Variants in CERS6 observed in about 807,000 individuals in gnomAD.
The protein encoded by CERS6 is LAG1 homolog, ceramide synthase 6.
In CERS6, 26 loss-of-function variants were observed where a neutral mutation model predicts 56.8. That is an observed-to-expected ratio of 0.46 (90% CI 0.34 to 0.63). CERS6 has a LOEUF of 0.63. CERS6 is among the 30% of genes least tolerant of loss of function. The pLI, the probability that CERS6 is intolerant of heterozygous loss-of-function variation, is 0.01. For synonymous variants in CERS6, 164 were observed against 173.3 expected (o/e 0.95, Z 0.42); for missense variants, 415 against 467.5 (o/e 0.89, Z 1.04).
intron 4 of CERS6, among the ~76,000 whole-genome samples, chr2:168,657,341 C>T (rs1002146044): frequency 3.3e-4 from 51 of 152,394 alleles, no homozygotes; most frequent in Non-Finnish European, 4.7e-4. Flanking sequence ...AGACTCTCCA[C>T]GTCCCCACCA....
At chr2:168,767,717 A>C (rs545499293) in intron 9 of CERS6, among the ~76,000 whole-genome samples, 1 of 152,312 alleles carries the variant, frequency 6.6e-6, no homozygotes, top group East Asian at 1.9e-4. Flanking sequence ...GTAGTTTCTC[A>C]AGTTGGGAGA....
rs113480296 is a variant in CERS6 at position 168,695,170 on chromosome 2, G to A, written c.609+119G>A. The A allele has an allele frequency of 9.3e-3, 6,451 of 695,838 alleles. 220 individuals are homozygous for A. Among genetic ancestry groups the A allele is most frequent in the African/African-American group, 0.088 (4,809 of 54,366 alleles). The allele number at this position is 695,838 out of a possible 1,614,324, so 43.1% of individuals were successfully genotyped here. On this transcript the variant is annotated intron_variant, in intron 6 of 9. Coordinates refer to ENST00000305747, the MANE Select transcript of CERS6 (RefSeq NM_203463.3). Reference sequence around the variant, plus strand: ...TCTCCTGGCAGCCCTAGGTTAGTACGACTTGCTGCGTTATTACAGAAAGTT... The same window carrying A: ...TCTCCTGGCAGCCCTAGGTTAGTACAACTTGCTGCGTTATTACAGAAAGTT...
intron 3 of CERS6, among the ~76,000 whole-genome samples, chr2:168,585,853 C>T (rs567282553): frequency 8.2e-4 from 125 of 152,292 alleles, no homozygotes; most frequent in African/African-American, 2.8e-3. Context: ...TTTCCCCTTC[C>T]GGGCATCATT....
intron 8 of CERS6, among the ~76,000 whole-genome samples, chr2:168,720,977 A>G (rs1002322490): frequency 1.3e-5 from 2 of 152,218 alleles, no homozygotes; most frequent in Non-Finnish European, 2.9e-5. Context: ...GACCACATAT[A>G]TGGCAGTGAT....
At chr2:168,720,559 G>A (rs1006194908) in intron 8 of CERS6, among the ~76,000 whole-genome samples, 2 of 152,166 alleles carry the variant, frequency 1.3e-5, no homozygotes, top group Admixed American at 1.3e-4. Context: ...TTGGACCAGT[G>A]TGCATGGGTT....
rs1304025275 is a variant in CERS6, at chr2:168,773,582, G to A, written c.*3920G>A. The A allele has an allele frequency of 1.3e-5, 2 of 152,180 alleles. No individual in the cohort carries two copies. The highest frequency in any genetic ancestry group is 4.8e-5 in the African/African-American group (2 of 41,434). The allele number at this position is 152,180 out of a possible 1,614,324, so 9.4% of individuals were successfully genotyped here. Reference sequence around the variant, plus strand: ...CTTGTATGGAAAGAGAAAATGCAATGAGCCCAGTTACTGCACTTGCCACTA... The same window carrying A: ...CTTGTATGGAAAGAGAAAATGCAATAAGCCCAGTTACTGCACTTGCCACTA... On this transcript the variant is annotated 3_prime_UTR_variant, in exon 10 of 10. Transcript: ENST00000305747.
At chr2:168,715,707 A>T (rs893326639) in intron 7 of CERS6, among the ~76,000 whole-genome samples, 1 of 152,164 alleles carries the variant, frequency 6.6e-6, no homozygotes, top group Non-Finnish European at 1.5e-5. Flanking sequence ...TAAAATAAAT[A>T]AATATGTTCT....
Position 168,769,524 on chromosome 2 carries a change from T to G in CERS6, c.1017T>G (p.Asp339Glu). The change falls in exon 10 of 10, where the codon GAT becomes GAG. Residue 339 changes from aspartate to glutamate, a missense_variant. Physicochemically the swap from Asp to Glu is conservative, Grantham distance 45. Coordinates refer to ENST00000305747, the MANE Select transcript of CERS6 (RefSeq NM_203463.3). ...AVSRGKVSKD[D>E]RSDIESSSDE... is the part of the protein sequence containing the mutation. Reference sequence around the variant, plus strand: ...CTACTCCACAGGTGTCCAAGGATGATCGAAGTGATATTGAGTCTAGCTCAG... The same window carrying G: ...CTACTCCACAGGTGTCCAAGGATGAGCGAAGTGATATTGAGTCTAGCTCAG... The G allele has an allele frequency of 6.2e-7, 1 of 1,600,654 alleles. No homozygotes were observed. The highest frequency in any genetic ancestry group is 8.5e-7 in the Non-Finnish European group (1 of 1,176,008).
intron 4 of CERS6, among the ~76,000 whole-genome samples, chr2:168,664,740 T>G (rs1685714249): frequency 6.6e-6 from 1 of 152,104 alleles, no homozygotes; most frequent in African/African-American, 2.4e-5. Context: ...CTTTGGTGGG[T>G]TTTGGCCAGC....
intron 1 of CERS6, among the ~76,000 whole-genome samples, chr2:168,517,518 T>TTAATTAAC (rs1457125610): frequency 6.8e-6 from 1 of 147,950 alleles, no homozygotes; most frequent in East Asian, 1.9e-4. Context: ...AATAAATAAA[T>TTAATTAAC]AAATAATAAA....
intron 1 of CERS6, among the ~76,000 whole-genome samples, chr2:168,462,694 G>A (rs1347063005): frequency 6.6e-6 from 1 of 152,104 alleles, no homozygotes; most frequent in Non-Finnish European, 1.5e-5. Flanking sequence ...GTGCCACCAT[G>A]CCTGGCTAAT....
At chr2:168,759,913 A>G (rs1311268821) in intron 8 of CERS6, among the ~76,000 whole-genome samples, 5 of 150,824 alleles carry the variant, frequency 3.3e-5, no homozygotes, top group Non-Finnish European at 5.9e-5. Context: ...TTTTGTACAT[A>G]TGTGTTTTGT....
At chr2:168,655,908 A>G (rs1470372479) in intron 4 of CERS6, among the ~76,000 whole-genome samples, 1 of 152,256 alleles carries the variant, frequency 6.6e-6, no homozygotes, top group Non-Finnish European at 1.5e-5. Context: ...GATGATAAAT[A>G]TGTTAATCTG....
intron 3 of CERS6, among the ~76,000 whole-genome samples, chr2:168,609,546 C>G (rs1268274928): frequency 6.6e-6 from 1 of 152,168 alleles, no homozygotes; most frequent in Non-Finnish European, 1.5e-5. Context: ...CCTGGTCACC[C>G]TCAGCTCCTA....
intron 3 of CERS6, among the ~76,000 whole-genome samples, chr2:168,615,022 C>T (rs1684282470): frequency 6.6e-6 from 1 of 152,116 alleles, no homozygotes; most frequent in South Asian, 2.1e-4. Context: ...GAGAAATCTG[C>T]AGATGGTTCA....
At chr2:168,513,702 C>T (rs369149101) in intron 1 of CERS6, among the ~76,000 whole-genome samples, 2 of 152,322 alleles carry the variant, frequency 1.3e-5, no homozygotes, top group African/African-American at 2.4e-5. Context: ...AGCACCGCCT[C>T]CCTTTCCATA....
chr2:168,489,024 T>A (rs551062887), intron 1 of CERS6, among the ~76,000 whole-genome samples: 1 of 152,312 alleles, frequency 6.6e-6, no homozygotes, highest in African/African-American at 2.4e-5. Flanking sequence ...GATTCCAATT[T>A]CTTTCTGAGG....
intron 8 of CERS6, among the ~76,000 whole-genome samples, chr2:168,760,763 T>A (rs1684553354): frequency 6.6e-6 from 1 of 151,002 alleles, no homozygotes; most frequent in South Asian, 2.1e-4. Context: ...TATTTATTTA[T>A]TTATTTTTTT....
intron 4 of CERS6, among the ~76,000 whole-genome samples, chr2:168,659,179 G>A (rs1195415192): frequency 1.3e-5 from 2 of 152,144 alleles, no homozygotes; most frequent in Admixed American, 6.5e-5. Context: ...CGCTTGGTTT[G>A]TTATTACGAT....
Sources: allele counts gnomAD v4.1 joint callset (sites outside exome capture counted in the v4.1 genomes callset), GRCh38; gene constraint gnomAD v4.1.1; transcripts MANE v1.5; gene names NCBI Gene and HGNC (gene_info 2026-07-23, HGNC 2026-07-21).